NPSR1: variants seen among roughly 807,000 people sequenced by gnomAD.
The protein encoded by NPSR1 is neuropeptide S receptor 1.
A neutral mutation model predicts 46.9 loss-of-function variants in NPSR1; 48 were observed. The ratio of observed to expected loss-of-function variants is 1.02; its 90% confidence interval spans 0.81 to 1.30. The LOEUF is 1.30. Ranked by LOEUF, NPSR1 falls within the 50% of genes most tolerant of loss-of-function variation. The pLI is 0.00. For synonymous variants in NPSR1, 176 were observed against 168.1 expected (o/e 1.05, Z -0.36); for missense variants, 450 against 449.5 (o/e 1.00, Z -0.01).
At chr7:34,720,016 G>A (rs757455610) in intron 2 of NPSR1, among the ~76,000 whole-genome samples, 15 of 151,508 alleles carry the variant, frequency 9.9e-5, no homozygotes, top group Non-Finnish European at 1.3e-4. Flanking sequence ...GCATGGTGGC[G>A]CACGCCTGTA....
chr7:34,678,346 C>T (rs955385201), intron 1 of NPSR1, among the ~76,000 whole-genome samples: 3 of 151,112 alleles, frequency 2.0e-5, no homozygotes, highest in Admixed American at 6.6e-5. Flanking sequence ...CTCAGCCTCC[C>T]GAGTAGCTGG....
chr7:34,824,612 C>T (rs1789734362), intron 4 of NPSR1, among the ~76,000 whole-genome samples: 1 of 152,142 alleles, frequency 6.6e-6, no homozygotes, highest in South Asian at 2.1e-4. Flanking sequence ...GAAACATCTT[C>T]GGAGACCTTG....
At chr7:34,791,036 A>ATATG (rs1562730637) in intron 3 of NPSR1, among the ~76,000 whole-genome samples, 2 of 89,768 alleles carry the variant, frequency 2.2e-5, no homozygotes, top group African/African-American at 4.3e-5. Context: ...TATGTTATAT[A>ATATG]TTATATTATA....
chr7:34,745,612 A>G (rs1039790484), intron 2 of NPSR1, among the ~76,000 whole-genome samples: 2 of 152,104 alleles, frequency 1.3e-5, no homozygotes, highest in Non-Finnish European at 1.5e-5. Flanking sequence ...TTGAACTCCT[A>G]GGCTCAAGCC....
At chr7:34,680,081 CT>C (rs1792542383) in intron 1 of NPSR1, among the ~76,000 whole-genome samples, 1 of 151,992 alleles carries the variant, frequency 6.6e-6, no homozygotes, top group Non-Finnish European at 1.5e-5. Flanking sequence ...CAGAGAAAAC[CT>C]TATTGATTTT....
intron 2 of NPSR1, among the ~76,000 whole-genome samples, chr7:34,725,913 A>G (rs550988129): frequency 6.6e-6 from 1 of 152,214 alleles, no homozygotes; most frequent in East Asian, 1.9e-4. Context: ...GTCTCACGAG[A>G]TCTGATGGTT....
chr7:34,796,611 G>A (rs1788183933), intron 3 of NPSR1, among the ~76,000 whole-genome samples: 1 of 152,092 alleles, frequency 6.6e-6, no homozygotes, highest in Non-Finnish European at 1.5e-5. Flanking sequence ...TTAGGGAATT[G>A]CAAATTAAAA....
chr7:34,703,243 C>A (rs1050225730), intron 2 of NPSR1, among the ~76,000 whole-genome samples: 5 of 152,142 alleles, frequency 3.3e-5, no homozygotes, highest in African/African-American at 1.2e-4. Flanking sequence ...CGATGGCAGG[C>A]GCCTGTAGTC....
At chr7:34,838,811 T>C (rs1457616952) in intron 6 of NPSR1, among the ~76,000 whole-genome samples, 1 of 152,240 alleles carries the variant, frequency 6.6e-6, no homozygotes, top group Non-Finnish European at 1.5e-5. Context: ...TCCTGTATGT[T>C]ATCTTTCATA....
At chr7:34,816,212 A>G (rs899824531) in intron 4 of NPSR1, among the ~76,000 whole-genome samples, 6 of 136,566 alleles carry the variant, frequency 4.4e-5, no homozygotes, top group African/African-American at 1.7e-4. Context: ...AAATAAAGGG[A>G]TGGAGGAAGA....
At chr7:34,727,260 A>G (rs971545454) in intron 2 of NPSR1, among the ~76,000 whole-genome samples, 4 of 152,184 alleles carry the variant, frequency 2.6e-5, no homozygotes, top group Non-Finnish European at 5.9e-5. Flanking sequence ...AGTGGAGGCT[A>G]TCTTCAAACA....
chr7:34,705,383 C>T (rs532358979), intron 2 of NPSR1, among the ~76,000 whole-genome samples: 21 of 150,246 alleles, frequency 1.4e-4, no homozygotes, highest in South Asian at 2.1e-4. Flanking sequence ...GCAGGGATCA[C>T]GCCACTGCAC....
chr7:34,802,410 C>T lies in NPSR1; in HGVS notation c.385-9360C>T, dbSNP rs537627855. Among the ~76,000 whole-genome samples, 335 of 149,934 alleles carry T rather than the reference C, an allele frequency of 2.2e-3. 28 individuals are homozygous for T. Among genetic ancestry groups the T allele is most frequent in the African/African-American group, 7.9e-3 (312 of 39,412 alleles). Reference sequence around the variant, plus strand: ...AGAACAGAGCCCTCAGAAATAACGCCGCATATCTACAACTATCTGATCTTT... The same window carrying T: ...AGAACAGAGCCCTCAGAAATAACGCTGCATATCTACAACTATCTGATCTTT... On this transcript the variant is annotated intron_variant, in intron 3 of 8. Coordinates refer to ENST00000360581, the MANE Select transcript of NPSR1 (RefSeq NM_207172.2).
intron 5 of NPSR1, among the ~76,000 whole-genome samples, chr7:34,828,209 G>A (rs1356462346): frequency 2.6e-5 from 4 of 152,330 alleles, no homozygotes; most frequent in Admixed American, 2.6e-4. Flanking sequence ...GGTAGGATAA[G>A]GGAGAAGTGG....
intron 1 of NPSR1, among the ~76,000 whole-genome samples, chr7:34,660,351 A>G (rs1791394639): frequency 6.6e-6 from 1 of 152,186 alleles, no homozygotes; most frequent in African/African-American, 2.4e-5. Context: ...ATTTGTGAGA[A>G]CTTAGCTTAT....
Position 34,750,835 on chromosome 7 carries a change from C to T in NPSR1, c.281-27627C>T, listed in dbSNP as rs143695302. 2.6e-3 allele frequency: 1,813 copies of T among 693,608 alleles called. 8 individuals are homozygous for T. Among genetic ancestry groups the T allele is most frequent in the Non-Finnish European group, 3.7e-3 (1,360 of 364,938 alleles). The allele number at this position is 693,608 out of a possible 1,614,324, so 43.0% of individuals were successfully genotyped here. ...TGTGGAACCGCTGACACAGCTTTTC[C>T]ACCAGGCTTTGTCTGCTTGTCTTTG... On this transcript the variant is annotated intron_variant, in intron 2 of 8. Coordinates refer to ENST00000360581, the MANE Select transcript of NPSR1 (RefSeq NM_207172.2).
intron 1 of NPSR1, among the ~76,000 whole-genome samples, chr7:34,672,115 T>A (rs963219): frequency 0.29 from 43,397 of 152,152 alleles, 7,749 homozygotes; most frequent in African/African-American, 0.51. Flanking sequence ...AAGAGTCTAG[T>A]GCTTAAATAG....
At position 34,825,250 on chromosome 7, in the gene NPSR1, C is replaced by T. The variant is rs76714464; in HGVS notation, c.479-2151C>T. Among the ~76,000 whole-genome samples the T allele has an allele frequency of 9.4e-3, 1,432 of 152,370 alleles. 24 individuals are homozygous for T. Among genetic ancestry groups the T allele is most frequent in the African/African-American group, 0.033 (1,362 of 41,582 alleles). ...TCAGTCTAGACTACCTTCTACAACA[C>T]CTCCCCATATGTCTGTGCCCATATG... is the stretch of plus-strand genomic sequence containing the variant. On this transcript the variant is annotated intron_variant, in intron 4 of 8. Transcript: ENST00000360581.
intron 2 of NPSR1, among the ~76,000 whole-genome samples, chr7:34,732,215 G>A (rs888343515): frequency 6.6e-6 from 1 of 152,114 alleles, no homozygotes; most frequent in Non-Finnish European, 1.5e-5. Flanking sequence ...TAAAGACAGG[G>A]TTTTTGATGA....
Sources: gnomAD v4.1 joint callset for allele counts (sites outside exome capture counted in the v4.1 genomes callset) on GRCh38, gnomAD v4.1.1 for gene constraint, MANE v1.5 for transcripts, NCBI Gene and HGNC (gene_info 2026-07-23, HGNC 2026-07-21) for gene names.